Variants in TTLL8 observed in about 807,000 individuals in gnomAD.
TTLL8 encodes protein monoglycylase TTLL8.
A neutral mutation model predicts 77.8 loss-of-function variants in TTLL8; 65 were observed. That is an observed-to-expected ratio of 0.84 (90% CI 0.68 to 1.03). The LOEUF is 1.03. TTLL8 is among the 50% of genes least tolerant of loss of function. The pLI is 0.00. For missense variants in TTLL8, 910 were observed against 1,004.5 expected (o/e 0.91, Z 1.27); for synonymous variants, 402 against 422.8 (o/e 0.95, Z 0.60).
At chr22:50,030,676 G>A (rs2061282699) in exon 12 of TTLL8, 1 of 1,284,290 alleles carries the variant, frequency 7.8e-7, no homozygotes, top group Non-Finnish European at 1.0e-6. Flanking sequence ...CCCCTTAAGG[G>A]TGCCAGCAAG....
At chr22:50,052,241 G>T (rs563526299) in intron 1 of TTLL8, among the ~76,000 whole-genome samples, 2 of 152,158 alleles carry the variant, frequency 1.3e-5, no homozygotes. Flanking sequence ...TGGACAGTCC[G>T]CAAGAGGGCT....
At chr22:50,033,827 G>C (rs534153784) in intron 9 of TTLL8, among the ~76,000 whole-genome samples, 9 of 152,298 alleles carry the variant, frequency 5.9e-5, no homozygotes, top group African/African-American at 1.9e-4. Context: ...TTGAGGTCGG[G>C]AGTTCAAGAC....
intron 12 of TTLL8, among the ~76,000 whole-genome samples, chr22:50,027,948 G>T (rs1041241760): frequency 6.6e-5 from 10 of 151,910 alleles, no homozygotes; most frequent in Non-Finnish European, 1.5e-4. Context: ...CCTGACTCAC[G>T]CACGGACGCC....
At chr22:50,049,726 C>T (rs1369699892) in intron 2 of TTLL8, among the ~76,000 whole-genome samples, 1 of 152,130 alleles carries the variant, frequency 6.6e-6, no homozygotes, top group Non-Finnish European at 1.5e-5. Context: ...CAAGAGGATG[C>T]AGACACAGCT....
At position 50,034,660 on chromosome 22, in the gene TTLL8, T is replaced by G. The variant is rs1462608194; in HGVS notation, c.922-198A>C. 6.6e-6 allele frequency among the ~76,000 whole-genome samples: 1 copy of G among 151,948 alleles called. No homozygotes were observed. The highest frequency in any genetic ancestry group is 1.5e-5 in the Non-Finnish European group (1 of 68,008). ...AAGTTCTCCCAACAGTATGGACACC[T>G]GGAAAACACAGCCCTGTGAGGCTGC... On this transcript the variant is annotated intron_variant, in intron 8 of 13. Coordinates refer to ENST00000266182, the Ensembl canonical transcript of TTLL8. The surrounding 1 kb of genome is among the most constrained non-coding windows in gnomAD (Gnocchi z 4.1).
upstream of TTLL8, among the ~76,000 whole-genome samples, chr22:50,055,831 T>C (rs918784859): frequency 2.0e-5 from 3 of 151,998 alleles, no homozygotes; most frequent in Non-Finnish European, 2.9e-5. Context: ...GTCAGCGGTG[T>C]GTGAACCAGA....
chr22:50,018,881 A>G (rs894448783), intron 12 of TTLL8, among the ~76,000 whole-genome samples, 90 bp from the exon 14 acceptor site: 1 of 152,244 alleles, frequency 6.6e-6, no homozygotes, highest in Admixed American at 6.5e-5. Flanking sequence ...GAGCAGAAAG[A>G]AAGTGGTTCA....
chr22:50,046,405 C>T (rs1273721562), intron 4 of TTLL8, among the ~76,000 whole-genome samples: 5 of 152,360 alleles, frequency 3.3e-5, no homozygotes, highest in Admixed American at 6.5e-5. Context: ...CGAGGTAGCA[C>T]GCGCCATTAG....
chr22:50,032,142 TCCCTTGGCCCAGGAGGGCACC>T, intron 10 of TTLL8, 33 bp from the exon 12 acceptor site: 1 of 1,328,086 alleles, frequency 7.5e-7, no homozygotes, highest in Non-Finnish European at 1.0e-6. Context: ...GTGCTCAGCC[TCCCTTGGCCCAGGAGGGCACC>T]CAAGGCCGGT....
chr22:50,033,012 G>A (rs150442470), intron 10 of TTLL8, 190 bp downstream of exon 11: 2 of 435,502 alleles, frequency 4.6e-6, no homozygotes, highest in African/African-American at 4.3e-5. Flanking sequence ...TTGAAGGCCG[G>A]TGGGCCTGGG....
chr22:50,023,860 A>C (rs1267680692), intron 12 of TTLL8, among the ~76,000 whole-genome samples: 1 of 152,040 alleles, frequency 6.6e-6, no homozygotes, highest in East Asian at 2.0e-4. Flanking sequence ...CTCTACTAAA[A>C]ATACAAAAAA....
rs2061183206 is a variant in TTLL8, at chr22:50,019,556, T to C, written c.2204-2994A>G. Reference sequence around the variant, plus strand: ...ACTCACTGGAGGAAGCCAGCTGCCATGTTGTGAGGACACTCAGCCCTGTGG... The same window carrying C: ...ACTCACTGGAGGAAGCCAGCTGCCACGTTGTGAGGACACTCAGCCCTGTGG... On this transcript the variant is annotated intron_variant, in intron 12 of 13. Transcript: ENST00000266182. 2.0e-5 allele frequency among the ~76,000 whole-genome samples: 3 copies of C among 152,074 alleles called. No homozygotes were observed. The East Asian group carries it at 5.8e-4, about 29-fold the overall frequency.
chr22:50,056,660 G>C (rs572289797), upstream of TTLL8: 5 of 697,812 alleles, frequency 7.2e-6, no homozygotes, highest in African/African-American at 7.7e-5. The surrounding 1 kb of genome is among the most constrained non-coding windows in gnomAD (Gnocchi z 4.1). Flanking sequence ...CAGTGGGATC[G>C]GGGTACAGGA....
chr22:50,052,449 A>G (rs1040378162), intron 1 of TTLL8, among the ~76,000 whole-genome samples: 2 of 152,256 alleles, frequency 1.3e-5, no homozygotes, highest in African/African-American at 4.8e-5. Context: ...CCGGGAGAGC[A>G]CATGAAAGGA....
chr22:50,048,637 G>A (rs546375491), intron 3 of TTLL8, among the ~76,000 whole-genome samples: 2 of 152,322 alleles, frequency 1.3e-5, no homozygotes, highest in South Asian at 2.1e-4. Flanking sequence ...CTGGAAGGGC[G>A]AGCTCACTGG....
At position 50,047,413 on chromosome 22, in the gene TTLL8, G is replaced by C. The variant is rs914577354; in HGVS notation, c.265-117C>G. The C allele has an allele frequency of 7.3e-6, 6 of 820,420 alleles. No homozygotes were observed. In the East Asian group the frequency reaches 3.3e-4, roughly 46 times the overall value. The allele number at this position is 820,420 out of a possible 1,614,324, so 50.8% of individuals were successfully genotyped here. Reference sequence around the variant, plus strand: ...GGCGTGCAGCGTGAGGATCCCAGCCGGGCTCTGCTGCAGGCAGTAGTGCTC... The same window carrying C: ...GGCGTGCAGCGTGAGGATCCCAGCCCGGCTCTGCTGCAGGCAGTAGTGCTC... On this transcript the variant is annotated intron_variant, in intron 3 of 13. Transcript: ENST00000266182.
chr22:50,034,587 G>T lies in TTLL8; in HGVS notation c.922-125C>A. The T allele has an allele frequency of 9.4e-7, 1 of 1,062,380 alleles. No homozygotes were observed. The highest frequency in any genetic ancestry group is 1.3e-6 in the Non-Finnish European group (1 of 799,194). The allele number at this position is 1,062,380 out of a possible 1,614,324, so 65.8% of individuals were successfully genotyped here. ...CCACCAAGCAGGCGCTCGGCTCTAG[G>T]ATGGTCTGGGGCTGGCCTGGCGGGA... On this transcript the variant is annotated intron_variant, in intron 8 of 13. Transcript: ENST00000266182. This position sits in a 1 kb window ranked among gnomAD's most constrained non-coding sequence, Gnocchi z 4.1.
In TTLL8 at chr22:50,021,382, G is replaced by C. The variant is rs1365910186; in HGVS notation, c.2204-4820C>G. Among the ~76,000 whole-genome samples, 10 of 139,824 alleles carry C rather than the reference G, an allele frequency of 7.2e-5. No homozygotes were observed. In the East Asian group the frequency reaches 1.1e-3, roughly 15 times the overall value. 91.7% of individuals were successfully genotyped at this position (139,824 alleles called of 152,430 possible). A position where few individuals can be genotyped will look rare whatever the true frequency, so the allele number is the denominator to read the frequency against. On this transcript the variant is annotated intron_variant, in intron 12 of 13. Coordinates refer to ENST00000266182, the Ensembl canonical transcript of TTLL8. Reference sequence around the variant, plus strand: ...TCTGACATGCACTCCTCCATCTGATGACGTGCACTCCTCCATCTGATGTGC... The same window carrying C: ...TCTGACATGCACTCCTCCATCTGATCACGTGCACTCCTCCATCTGATGTGC...
At chr22:50,057,535 AGCGGGAGGTCTGGGTTGG>A (rs2061485732), upstream of TTLL8, among the ~76,000 whole-genome samples, 5 of 4,760 alleles carry the variant, frequency 1.1e-3, no homozygotes, top group African/African-American at 5.1e-3. Context: ...GTCTGGGTTG[AGCGGGAGGTCTGGGTTGG>A]GGGTCAGGTC....
Sources: gnomAD v4.1 joint callset for allele counts (sites outside exome capture counted in the v4.1 genomes callset) on GRCh38, gnomAD v4.1.1 for gene constraint, Gnocchi (gnomAD v3.1) non-coding constraint, MANE v1.5 for transcripts, NCBI Gene and HGNC (gene_info 2026-07-23, HGNC 2026-07-21) for gene names.